Variants in DACH2 observed in about 807,000 individuals in gnomAD.
DACH2 encodes the protein dachshund homolog 2.
In DACH2, 17 loss-of-function variants were observed where a neutral mutation model predicts 35.8. The ratio of observed to expected loss-of-function variants is 0.48; its 90% confidence interval spans 0.33 to 0.71. The LOEUF (loss-of-function observed/expected upper bound fraction) is 0.71, where lower values mean the gene tolerates loss of function less well. DACH2 is among the 30% of genes least tolerant of loss of function. DACH2 has a pLI of 0.02. For missense variants in DACH2, 469 were observed against 472.7 expected, an observed-to-expected ratio of 0.99 and a Z score of 0.07; for synonymous variants, 195 against 177.3, an observed-to-expected ratio of 1.10 and a Z score of -0.79.
At chrX:86,279,211 C>A (rs2033976860) in intron 1 of DACH2, among the ~76,000 whole-genome samples, 1 of 112,100 alleles carries the variant, frequency 8.9e-6, no homozygotes, top group Admixed American at 9.4e-5. Flanking sequence ...CAGACTGCCT[C>A]CTCAAGTAGG....
chrX:86,442,283 C>T (rs1417220011), intron 2 of DACH2, among the ~76,000 whole-genome samples: 1 of 97,225 alleles, frequency 1.0e-5, no homozygotes, highest in African/African-American at 4.0e-5. Flanking sequence ...TTTTTACCTG[C>T]CTGTTGGCCA....
intron 2 of DACH2, among the ~76,000 whole-genome samples, chrX:86,477,400 C>A (rs940229903): frequency 1.0e-5 from 1 of 96,388 alleles, no homozygotes; most frequent in African/African-American, 3.8e-5. Flanking sequence ...TAATTGACTC[C>A]TTTATCATGA....
intron 7 of DACH2, among the ~76,000 whole-genome samples, chrX:86,742,968 G>C (rs2041672562): frequency 9.0e-6 from 1 of 111,110 alleles, no homozygotes; most frequent in African/African-American, 3.3e-5. Flanking sequence ...TTTATCTTAA[G>C]CCCTCTTACT....
At chrX:86,191,085 T>C (rs5923497) in intron 1 of DACH2, among the ~76,000 whole-genome samples, 45,996 of 111,214 alleles carry the variant, frequency 0.41, 7,878 homozygotes, top group Non-Finnish European at 0.55. Flanking sequence ...CTCAAATAAC[T>C]TAAAACAGAA....
chrX:86,289,547 A>G (rs1023438123), intron 1 of DACH2, among the ~76,000 whole-genome samples: 2 of 102,835 alleles, frequency 1.9e-5, no homozygotes, highest in Non-Finnish European at 4.0e-5. Context: ...CATTAGGTAT[A>G]TCTCCCAATG....
rs970593209 is a variant in DACH2, at chrX:86,450,295, C to T, written c.528-63984C>T. ...ATGTCCATGTGTTCTTATCATTCAG[C>T]TCCCACTTATAAGTGAGAACATGCA... On this transcript the variant is annotated intron_variant, in intron 2 of 11. Transcript: ENST00000373125. Among the ~76,000 whole-genome samples, 3 of 111,328 alleles carry T rather than the reference C, an allele frequency of 2.7e-5. No homozygotes were observed. The Admixed American group carries it at 2.9e-4, about 11-fold the overall frequency.
At chrX:86,303,288 G>A (rs1215928873) in intron 1 of DACH2, among the ~76,000 whole-genome samples, 1 of 108,603 alleles carries the variant, frequency 9.2e-6, no homozygotes, top group Non-Finnish European at 1.9e-5. Flanking sequence ...CACGTTCATG[G>A]GTCTGTAATC....
chrX:86,807,348 C>T (rs1002102973), intron 7 of DACH2, among the ~76,000 whole-genome samples: 3 of 111,299 alleles, frequency 2.7e-5, no homozygotes, highest in Admixed American at 9.6e-5. Flanking sequence ...AATAGTAGTT[C>T]ATTAATATTT....
chrX:86,605,374 C>T (rs2039843597), intron 3 of DACH2, among the ~76,000 whole-genome samples: 1 of 110,442 alleles, frequency 9.1e-6, no homozygotes, highest in African/African-American at 3.3e-5. Context: ...TGCCTTTTTT[C>T]TGAAATGCAT....
At chrX:86,319,668 G>A (rs1162513270) in intron 1 of DACH2, among the ~76,000 whole-genome samples, 2 of 111,720 alleles carry the variant, frequency 1.8e-5, no homozygotes, top group African/African-American at 6.5e-5. Context: ...TTACACCTTT[G>A]AAGACGTTTG....
chrX:86,669,330 T>A (rs1251055097), intron 4 of DACH2, among the ~76,000 whole-genome samples: 1 of 111,559 alleles, frequency 9.0e-6, no homozygotes, highest in East Asian at 2.8e-4. Flanking sequence ...TATATGATTA[T>A]CAACTTCAGT....
intron 3 of DACH2, among the ~76,000 whole-genome samples, chrX:86,530,678 T>C (rs1402642873): frequency 8.9e-6 from 1 of 111,961 alleles, no homozygotes; most frequent in East Asian, 2.8e-4. Context: ...AATGGACTAA[T>C]ACAGAAAACT....
At chrX:86,234,356 C>T (rs1025166888) in intron 1 of DACH2, among the ~76,000 whole-genome samples, 1 of 111,477 alleles carries the variant, frequency 9.0e-6, no homozygotes, top group Non-Finnish European at 1.9e-5. Context: ...ATGATATGAA[C>T]TCTGCATACA....
intron 1 of DACH2, among the ~76,000 whole-genome samples, chrX:86,319,004 A>G (rs899100691): frequency 8.9e-6 from 1 of 112,223 alleles, no homozygotes; most frequent in Non-Finnish European, 1.9e-5. Flanking sequence ...TTAATGTTAA[A>G]CCTAATTTTT....
At chrX:86,579,759 A>G (rs1446039653) in intron 3 of DACH2, among the ~76,000 whole-genome samples, 1 of 112,380 alleles carries the variant, frequency 8.9e-6, no homozygotes, top group Non-Finnish European at 1.9e-5. Flanking sequence ...GTTTAGGTAG[A>G]TGTTCCTGTT....
At chrX:86,455,279 G>A (rs1228008086) in intron 2 of DACH2, among the ~76,000 whole-genome samples, 2 of 111,474 alleles carry the variant, frequency 1.8e-5, no homozygotes, top group African/African-American at 3.3e-5. Context: ...CCTGCTTAAG[G>A]AAGCAGTCTG....
At chrX:86,665,389 A>T (rs2040655851) in intron 4 of DACH2, among the ~76,000 whole-genome samples, 1 of 111,807 alleles carries the variant, frequency 8.9e-6, no homozygotes, top group Non-Finnish European at 1.9e-5. Context: ...AAAAGAATCA[A>T]GTGTGTCTCT....
chrX:86,332,183 T>A (rs11092791), intron 1 of DACH2, among the ~76,000 whole-genome samples: 21,461 of 110,455 alleles, frequency 0.19, 2,487 homozygotes, highest in African/African-American at 0.43. Flanking sequence ...TTATGGCATG[T>A]TGATATATGT....
At chrX:86,271,188 G>C (rs1448315466) in intron 1 of DACH2, among the ~76,000 whole-genome samples, 1 of 111,815 alleles carries the variant, frequency 8.9e-6, no homozygotes, top group African/African-American at 3.2e-5. Context: ...AGTCAGAGAA[G>C]AGATTGATAA....
Sources: allele counts gnomAD v4.1 joint callset (sites outside exome capture counted in the v4.1 genomes callset), GRCh38; gene constraint gnomAD v4.1.1; transcripts MANE v1.5; gene names NCBI Gene and HGNC (gene_info 2026-07-23, HGNC 2026-07-21).